Variants in FANCB observed in about 807,000 individuals in gnomAD.
FANCB encodes the protein Fanconi anemia group B protein.
A neutral mutation model predicts 38.9 loss-of-function variants in FANCB; 5 were observed. That is an observed-to-expected ratio of 0.13 (90% CI 0.07 to 0.27). The LOEUF (loss-of-function observed/expected upper bound fraction) is 0.27, where lower values mean the gene tolerates loss of function less well. Ranked by LOEUF, FANCB falls within the 10% of genes least tolerant of loss-of-function variation. The pLI is 1.00. For missense variants in FANCB, 573 were observed against 602.7 expected (o/e 0.95, Z 0.52); for synonymous variants, 236 against 215.4 (o/e 1.10, Z -0.84).
rs1444773769 is a variant in FANCB, at chrX:14,852,538, T to TA, written c.1326+500dup. Among the ~76,000 whole-genome samples, 10 of 110,753 alleles carry TA rather than the reference T, an allele frequency of 9.0e-5. No individual in the cohort carries two copies. In the Admixed American group the frequency reaches 9.6e-4, roughly 11 times the overall value. On this transcript the variant is annotated intron_variant, in intron 6 of 9. Coordinates refer to ENST00000650831, the MANE Select transcript of FANCB (RefSeq NM_001018113.3). ...AATTATGAAAAGCAGATAGAAGGAC[T>TA]AAAAAAACCCATAGCAGTGTAGGAA...
At chrX:14,727,445 T>A in the FANCB span, among the ~76,000 whole-genome samples, 12 of 112,040 alleles carry the variant, frequency 1.1e-4, no homozygotes, top group Non-Finnish European at 1.7e-4. Flanking sequence ...CTGGCATCAT[T>A]TCTACTTCAC....
downstream of FANCB, among the ~76,000 whole-genome samples, chrX:14,841,326 AAAAGGAAAAAGAAAG>A (rs1487746790): frequency 2.7e-5 from 3 of 112,411 alleles, no homozygotes; most frequent in Admixed American, 1.9e-4. Context: ...GTTTTAGGCA[AAAAGGAAAAAGAAAG>A]AAAGGAAAAA....
the FANCB span, among the ~76,000 whole-genome samples, chrX:14,769,510 T>C: frequency 8.9e-6 from 1 of 112,118 alleles, no homozygotes; most frequent in African/African-American, 3.2e-5. Context: ...GATATCTTCC[T>C]TATCATTTCT....
the FANCB span, chrX:14,731,167 A>G: frequency 8.9e-6 from 1 of 112,159 alleles, no homozygotes; most frequent in East Asian, 2.8e-4. Flanking sequence ...ATAAACACCA[A>G]TGACAGAAAA....
the FANCB span, among the ~76,000 whole-genome samples, chrX:14,715,429 G>T: frequency 4.5e-5 from 5 of 112,103 alleles, no homozygotes; most frequent in Non-Finnish European, 9.4e-5. Context: ...AATGTAGGAA[G>T]ATTCAGCCAA....
the FANCB span, among the ~76,000 whole-genome samples, chrX:14,780,652 T>G: frequency 1.8e-5 from 2 of 110,680 alleles, no homozygotes; most frequent in Non-Finnish European, 3.8e-5. Flanking sequence ...GCAAGCCAGA[T>G]GGTTTCTGTT....
chrX:14,731,531 T>TGTCA, the FANCB span: 7 of 111,894 alleles, frequency 6.3e-5, no homozygotes, highest in African/African-American at 2.0e-4. Context: ...TGATTTCTAC[T>TGTCA]GTCAGTCAAT....
At chrX:14,731,218 TTTTC>T in the FANCB span, 4 of 112,454 alleles carry the variant, frequency 3.6e-5, no homozygotes, top group African/African-American at 1.3e-4. Context: ...ATTTTAATAT[TTTTC>T]TTTCCAAGAT....
At chrX:14,725,424 G>A in the FANCB span, among the ~76,000 whole-genome samples, 1 of 110,875 alleles carries the variant, frequency 9.0e-6, no homozygotes, top group Non-Finnish European at 1.9e-5. Context: ...AGTCCATTAT[G>A]TCCTTGCATT....
the FANCB span, among the ~76,000 whole-genome samples, chrX:14,830,733 G>A: frequency 2.7e-5 from 3 of 111,480 alleles, no homozygotes; most frequent in Non-Finnish European, 3.8e-5. Flanking sequence ...ACCATGCCAC[G>A]TGCCGACATA....
chrX:14,776,528 G>A, the FANCB span, among the ~76,000 whole-genome samples: 4 of 112,018 alleles, frequency 3.6e-5, no homozygotes, highest in South Asian at 3.7e-4. Flanking sequence ...ATTGAATAGC[G>A]CACTCCAGTC....
chrX:14,742,439 T>C, the FANCB span, among the ~76,000 whole-genome samples: 1 of 111,906 alleles, frequency 8.9e-6, no homozygotes, highest in Non-Finnish European at 1.9e-5. Context: ...TTTGGTTTGC[T>C]GAGTGTCCTT....
At chrX:14,717,151 C>T in the FANCB span, among the ~76,000 whole-genome samples, 11 of 110,536 alleles carry the variant, frequency 1.0e-4, no homozygotes, top group East Asian at 2.9e-4. Context: ...ACATTACTGC[C>T]GATGGTCAAT....
chrX:14,841,570 T>A (rs746049834), downstream of FANCB, among the ~76,000 whole-genome samples: 50 of 112,260 alleles, frequency 4.5e-4, no homozygotes, highest in African/African-American at 1.5e-3. Context: ...GTTTTTGAAA[T>A]AATTTGCAAC....
chrX:14,824,779 C>T, the FANCB span, among the ~76,000 whole-genome samples: 2 of 111,800 alleles, frequency 1.8e-5, no homozygotes, highest in Non-Finnish European at 3.8e-5. Context: ...ATTTTAGTTC[C>T]GCAAATAAAG....
intron 10 of FANCB, among the ~76,000 whole-genome samples, chrX:14,837,125 A>T (rs1209835511): frequency 8.9e-6 from 1 of 112,566 alleles, no homozygotes; most frequent in African/African-American, 3.2e-5. Flanking sequence ...CTATAGGCAT[A>T]TCATTTGGAA....
chrX:14,712,513 A>T, the FANCB span, among the ~76,000 whole-genome samples: 5 of 111,494 alleles, frequency 4.5e-5, no homozygotes, highest in African/African-American at 1.3e-4. Flanking sequence ...ATTGAAAAAA[A>T]AAAAACTATA....
the FANCB span, among the ~76,000 whole-genome samples, chrX:14,689,889 A>G: frequency 8.9e-6 from 1 of 112,151 alleles, no homozygotes; most frequent in South Asian, 3.7e-4. Flanking sequence ...AGCAAAAAGT[A>G]TTTGCTTTCA....
chrX:14,792,207 C>CA, the FANCB span, among the ~76,000 whole-genome samples: 1 of 111,996 alleles, frequency 8.9e-6, no homozygotes, highest in East Asian at 2.8e-4. Flanking sequence ...GCACTCCTCT[C>CA]AGACACTGTC....
Sources: gnomAD v4.1 joint callset for allele counts (sites outside exome capture counted in the v4.1 genomes callset) on GRCh38, gnomAD v4.1.1 for gene constraint, MANE v1.5 for transcripts, NCBI Gene and HGNC (gene_info 2026-07-23, HGNC 2026-07-21) for gene names.